The following COL25A1 variants were observed in gnomAD, a reference collection of about 807,000 sequenced individuals.
COL25A1 encodes the protein collagen type XXV alpha 1 chain.
COL25A1 carries 103 observed loss-of-function variants against 128.4 expected under a neutral mutation model. The observed-to-expected ratio is 0.80, with a 90% CI of 0.68 to 0.94. The LOEUF (loss-of-function observed/expected upper bound fraction) is 0.94. COL25A1 is among the 40% of genes least tolerant of loss of function. COL25A1 has a pLI of 0.00. For synonymous variants in COL25A1, 279 were observed against 277.2 expected (o/e 1.01, Z -0.06); for missense variants, 745 against 840.0 (o/e 0.89, Z 1.40).
At chr4:109,247,953 G>A (rs1052373433) in intron 3 of COL25A1, among the ~76,000 whole-genome samples, 3 of 152,142 alleles carry the variant, frequency 2.0e-5, no homozygotes, top group African/African-American at 7.2e-5. Context: ...TTACTGTCAT[G>A]AAAGTCAAGG....
intron 3 of COL25A1, among the ~76,000 whole-genome samples, chr4:109,135,841 A>T (rs1022749318): frequency 3.3e-5 from 5 of 152,230 alleles, no homozygotes; most frequent in African/African-American, 4.8e-5. Context: ...AGAGGAACTC[A>T]CATGTGGTAG....
At chr4:108,876,090 G>A (rs548243032) in intron 19 of COL25A1, among the ~76,000 whole-genome samples, 62 of 152,018 alleles carry the variant, frequency 4.1e-4, no homozygotes, top group Non-Finnish European at 7.8e-4. Context: ...GAGGGATAGC[G>A]TTAGGAGAAA....
At chr4:108,960,446 A>T (rs1299921909) in intron 8 of COL25A1, among the ~76,000 whole-genome samples, 1 of 152,104 alleles carries the variant, frequency 6.6e-6, no homozygotes, top group East Asian at 1.9e-4. Context: ...TGGTGTTCAA[A>T]ACATGAGATA....
intron 3 of COL25A1, among the ~76,000 whole-genome samples, chr4:109,144,468 C>T (rs556661701): frequency 7.8e-4 from 119 of 152,314 alleles, no homozygotes; most frequent in African/African-American, 2.7e-3. Context: ...CAGGGAAGAA[C>T]GCTTAAGTCT....
chr4:109,143,451 T>A (rs974228594), intron 3 of COL25A1, among the ~76,000 whole-genome samples: 1 of 152,214 alleles, frequency 6.6e-6, no homozygotes, highest in Non-Finnish European at 1.5e-5. Flanking sequence ...AATGTTGGCA[T>A]GTCTTGCTAG....
At chr4:109,191,152 C>T (rs147865411) in intron 3 of COL25A1, among the ~76,000 whole-genome samples, 34 of 152,266 alleles carry the variant, frequency 2.2e-4, no homozygotes, top group African/African-American at 7.9e-4. Context: ...AAATAAGCCA[C>T]AAACCATGCT....
At chr4:108,933,924 CA>C (rs1017475151) in intron 11 of COL25A1, among the ~76,000 whole-genome samples, 5 of 151,938 alleles carry the variant, frequency 3.3e-5, no homozygotes, top group Non-Finnish European at 7.4e-5. Flanking sequence ...ATTTCCTCCT[CA>C]CGATTCCTCA....
chr4:108,999,342 G>A (rs1218512642), intron 6 of COL25A1, among the ~76,000 whole-genome samples: 1 of 152,184 alleles, frequency 6.6e-6, no homozygotes, highest in African/African-American at 2.4e-5. Context: ...AGACATTTAT[G>A]CAGCCAACAG....
At chr4:109,073,478 G>A (rs1763150209) in intron 3 of COL25A1, among the ~76,000 whole-genome samples, 1 of 152,240 alleles carries the variant, frequency 6.6e-6, no homozygotes, top group African/African-American at 2.4e-5. Flanking sequence ...CACAATCGCT[G>A]CAGATCTTCT....
At position 108,813,224 on chromosome 4, in the gene COL25A1, T is replaced by C. The variant is rs1455280262; in HGVS notation, c.*703A>G. The C allele has an allele frequency of 6.6e-6, 1 of 152,226 alleles. No homozygotes were observed. The highest frequency in any genetic ancestry group is 2.4e-5 in the African/African-American group (1 of 41,458). The allele number at this position is 152,226 out of a possible 1,614,324, so 9.4% of individuals were successfully genotyped here. A position where few individuals can be genotyped will look rare whatever the true frequency, so the allele number is the denominator to read the frequency against. Reference sequence around the variant, plus strand: ...CATGAGCCCACAATACTGGAAGCTGTAGATCTGCAGTCAGGACTGCAACTC... The same window carrying C: ...CATGAGCCCACAATACTGGAAGCTGCAGATCTGCAGTCAGGACTGCAACTC... On this transcript the variant is annotated 3_prime_UTR_variant, in exon 38 of 38. Transcript: ENST00000399132.
chr4:108,878,212 T>C (rs1739690651), intron 19 of COL25A1, among the ~76,000 whole-genome samples: 2 of 152,114 alleles, frequency 1.3e-5, no homozygotes, highest in African/African-American at 2.4e-5. Flanking sequence ...CATTATCAAT[T>C]AAAGGAGTAA....
chr4:109,067,120 G>T (rs1361338348), intron 3 of COL25A1, among the ~76,000 whole-genome samples: 1 of 152,162 alleles, frequency 6.6e-6, no homozygotes, highest in African/African-American at 2.4e-5. Flanking sequence ...CACATAGGAA[G>T]ATAGCAATGG....
chr4:109,047,956 T>A (rs957901721), intron 5 of COL25A1, among the ~76,000 whole-genome samples: 2 of 151,992 alleles, frequency 1.3e-5, no homozygotes, highest in Non-Finnish European at 2.9e-5. Context: ...ATGGTCTCGA[T>A]CTCCTGACCT....
At chr4:109,065,557 T>C (rs1368245379) in intron 3 of COL25A1, among the ~76,000 whole-genome samples, 35 of 150,872 alleles carry the variant, frequency 2.3e-4, no homozygotes, top group South Asian at 1.5e-3. Flanking sequence ...TGTGTGTGTG[T>C]GTGTGTGTGT....
intron 6 of COL25A1, among the ~76,000 whole-genome samples, chr4:108,979,091 C>T (rs1178701133): frequency 1.3e-5 from 2 of 152,050 alleles, no homozygotes; most frequent in Non-Finnish European, 2.9e-5. Context: ...TATTAACTTC[C>T]TACACCAAAG....
intron 6 of COL25A1, among the ~76,000 whole-genome samples, chr4:109,001,391 C>CAGGTAGGCATCTGAGATCCTGTG (rs1755370394): frequency 6.6e-6 from 1 of 152,176 alleles, no homozygotes; most frequent in Non-Finnish European, 1.5e-5. Flanking sequence ...GAGATCCTGT[C>CAGGTAGGCATCTGAGATCCTGTG]AGGTAGGCAT....
chr4:109,198,024 A>AT (rs113871077), intron 3 of COL25A1, among the ~76,000 whole-genome samples: 3,579 of 151,458 alleles, frequency 0.024, 124 homozygotes, highest in African/African-American at 0.074. Context: ...TAACAGCAAG[A>AT]TTTTTTTTTA....
chr4:109,001,329 G>A lies in COL25A1; in HGVS notation c.438+9029C>T, dbSNP rs140340262. On this transcript the variant is annotated intron_variant, in intron 6 of 37. Transcript: ENST00000399132. ...GTGGCCAGACAACAGGCATATCTTCGCAGCGTGCAGAATGGCAATGGGGAA... is the reference window on the plus strand; with the variant it reads ...GTGGCCAGACAACAGGCATATCTTCACAGCGTGCAGAATGGCAATGGGGAA... Among the ~76,000 whole-genome samples, 322 of 152,390 alleles carry A rather than the reference G, an allele frequency of 2.1e-3. 2 individuals carry two copies. The highest frequency in any genetic ancestry group is 7.0e-3 in the African/African-American group (290 of 41,586).
chr4:109,086,088 G>A (rs1199977728), intron 3 of COL25A1, among the ~76,000 whole-genome samples: 1 of 152,182 alleles, frequency 6.6e-6, no homozygotes, highest in East Asian at 1.9e-4. Context: ...ATAGCAACTT[G>A]CCAAAGAAGC....
Sources: gnomAD v4.1 joint callset for allele counts (sites outside exome capture counted in the v4.1 genomes callset) on GRCh38, gnomAD v4.1.1 for gene constraint, MANE v1.5 for transcripts, NCBI Gene and HGNC (gene_info 2026-07-23, HGNC 2026-07-21) for gene names.